FHIT: variants seen among roughly 807,000 people sequenced by gnomAD.
FHIT encodes fragile histidine triad diadenosine triphosphatase, also known as bis(5'-adenosyl)-triphosphatase.
In FHIT, 19 loss-of-function variants were observed where a neutral mutation model predicts 17.9. That is an observed-to-expected ratio of 1.06 (90% CI 0.74 to 1.56). The LOEUF is 1.56. FHIT is among the 40% of genes most tolerant of loss of function. The pLI, the probability that FHIT is intolerant of heterozygous loss-of-function variation, is 0.00. For synonymous variants in FHIT, 81 were observed against 69.7 expected, an observed-to-expected ratio of 1.16 and a Z score of -0.81; for missense variants, 248 against 189.2, an observed-to-expected ratio of 1.31 and a Z score of -1.82.
At chr3:59,955,854 G>T (rs1559496360) in intron 7 of FHIT, among the ~76,000 whole-genome samples, 1 of 152,076 alleles carries the variant, frequency 6.6e-6, no homozygotes, top group Non-Finnish European at 1.5e-5. Context: ...CTGAATGACG[G>T]CAATCACCTC....
In FHIT at chr3:61,122,565, G is replaced by C. The variant is rs1055314036; in HGVS notation, c.-164+78052C>G. 2.6e-5 allele frequency among the ~76,000 whole-genome samples: 4 copies of C among 152,150 alleles called. No individual in the cohort carries two copies. In the East Asian group the frequency reaches 5.8e-4, roughly 22 times the overall value. Reference sequence around the variant, plus strand: ...AAAGAAACTACGATCAGAGTGAACAGGCAACCTACAGAATGGGAGAAAGTT... The same window carrying C: ...AAAGAAACTACGATCAGAGTGAACACGCAACCTACAGAATGGGAGAAAGTT... On this transcript the variant is annotated intron_variant, in intron 2 of 9. Transcript: ENST00000492590.
At chr3:60,037,223 G>C (rs1381948600) in intron 5 of FHIT, among the ~76,000 whole-genome samples, 1 of 151,918 alleles carries the variant, frequency 6.6e-6, no homozygotes, top group African/African-American at 2.4e-5. Context: ...CTTTTTATTT[G>C]TGTAGTCTGA....
At chr3:59,830,761 G>C (rs1701136548) in intron 8 of FHIT, among the ~76,000 whole-genome samples, 1 of 152,206 alleles carries the variant, frequency 6.6e-6, no homozygotes, top group Admixed American at 6.5e-5. Flanking sequence ...TTTTGCAAAG[G>C]TGTAGCACTG....
In FHIT at chr3:60,050,131, T is replaced by C. The variant is rs148127514; in HGVS notation, c.104-35979A>G. Reference sequence around the variant, plus strand: ...AAAATTTTGAATTCACATCTTTTATTTACCAATTAGTAGAAGTAAAAAGAT... The same window carrying C: ...AAAATTTTGAATTCACATCTTTTATCTACCAATTAGTAGAAGTAAAAAGAT... On this transcript the variant is annotated intron_variant, in intron 5 of 9. Coordinates refer to ENST00000492590, the MANE Select transcript of FHIT (RefSeq NM_002012.4). Among the ~76,000 whole-genome samples, 140 of 152,308 alleles carry C rather than the reference T, an allele frequency of 9.2e-4. 4 individuals are homozygous for C. In the East Asian group the frequency reaches 0.026, roughly 28 times the overall value.
intron 5 of FHIT, among the ~76,000 whole-genome samples, chr3:60,432,590 T>C (rs553169225): frequency 6.6e-6 from 1 of 152,228 alleles, no homozygotes; most frequent in East Asian, 1.9e-4. Flanking sequence ...AAGAGACTAC[T>C]AGCATGCAGG....
intron 3 of FHIT, 45 bp downstream of exon 3, chr3:61,042,002 G>A (rs529116783): frequency 4.4e-4 from 67 of 152,258 alleles, no homozygotes; most frequent in African/African-American, 1.6e-3. Flanking sequence ...TTTAGCCAGT[G>A]GCATATGTGC....
chr3:60,260,352 TAA>T (rs761494437), intron 5 of FHIT, among the ~76,000 whole-genome samples: 19 of 138,292 alleles, frequency 1.4e-4, no homozygotes, highest in Admixed American at 1.4e-4. Flanking sequence ...TGACTAAATT[TAA>T]AAAAAAAAAA....
Position 60,014,047 on chromosome 3 carries a change from T to TCCA in FHIT, c.206_208dup (p.Val69dup). ...GAGAGAGGTCCCATGGAAATGTTTT[T>TCCA]CCACCACTGTCCCGACTCTCTGGGT... On this transcript the variant is annotated inframe_insertion, in exon 6 of 10. Coordinates refer to ENST00000492590, the MANE Select transcript of FHIT (RefSeq NM_002012.4). 4 of 1,614,064 alleles carry TCCA rather than the reference T, an allele frequency of 2.5e-6. No homozygotes were observed. Among genetic ancestry groups the TCCA allele is most frequent in the Non-Finnish European group, 3.4e-6 (4 of 1,179,974 alleles).
intron 5 of FHIT, among the ~76,000 whole-genome samples, chr3:60,048,189 T>C (rs1302738279): frequency 1.3e-5 from 2 of 152,156 alleles, no homozygotes; most frequent in African/African-American, 2.4e-5. Flanking sequence ...TTTGTTTTCT[T>C]CTTTTGAGAC....
intron 4 of FHIT, among the ~76,000 whole-genome samples, chr3:60,632,102 G>GTT (rs879949293): frequency 1.3e-5 from 2 of 149,860 alleles, no homozygotes; most frequent in East Asian, 3.9e-4. Flanking sequence ...TTTGTTTTTT[G>GTT]TTTTTTTTTA....
chr3:60,625,552 A>G (rs1373240810), intron 4 of FHIT, among the ~76,000 whole-genome samples: 3 of 152,008 alleles, frequency 2.0e-5, no homozygotes, highest in South Asian at 2.1e-4. Context: ...GGTCATCTGT[A>G]TATCTTCTTT....
chr3:60,685,879 A>C (rs2040851215), intron 4 of FHIT, among the ~76,000 whole-genome samples: 1 of 152,192 alleles, frequency 6.6e-6, no homozygotes, highest in African/African-American at 2.4e-5. Flanking sequence ...ATTAGGAGGA[A>C]AAAATTGATT....
chr3:60,239,440 C>T (rs1705009608), intron 5 of FHIT, among the ~76,000 whole-genome samples: 1 of 152,070 alleles, frequency 6.6e-6, no homozygotes, highest in Non-Finnish European at 1.5e-5. Context: ...TGGCACATAC[C>T]TGTAGTCCCA....
chr3:60,631,206 G>C (rs1008665242), intron 4 of FHIT, among the ~76,000 whole-genome samples: 3 of 152,150 alleles, frequency 2.0e-5, no homozygotes, highest in Non-Finnish European at 4.4e-5. Context: ...AGGTTTCAGA[G>C]CTTTAATTTG....
chr3:60,140,942 T>C lies in FHIT; in HGVS notation c.104-126790A>G, dbSNP rs1158657145. Among the ~76,000 whole-genome samples, 7 of 152,114 alleles carry C rather than the reference T, an allele frequency of 4.6e-5. No individual in the cohort carries two copies. The East Asian group carries it at 1.2e-3, about 25-fold the overall frequency. On this transcript the variant is annotated intron_variant, in intron 5 of 9. Transcript: ENST00000492590. Reference sequence around the variant, plus strand: ...TCTAGGGTGTCAAAGCTGTCATCGGTCAGTAAATTTCTTTTTCTTTTTCTT... The same window carrying C: ...TCTAGGGTGTCAAAGCTGTCATCGGCCAGTAAATTTCTTTTTCTTTTTCTT...
At chr3:60,207,674 T>C (rs1407787724) in intron 5 of FHIT, among the ~76,000 whole-genome samples, 1 of 152,164 alleles carries the variant, frequency 6.6e-6, no homozygotes, top group Admixed American at 6.5e-5. Flanking sequence ...ATTTGCTTTT[T>C]AAAAAGTCAG....
intron 8 of FHIT, among the ~76,000 whole-genome samples, chr3:59,767,035 C>G (rs181123529): frequency 1.3e-5 from 2 of 152,026 alleles, no homozygotes; most frequent in South Asian, 4.2e-4. Context: ...TTCTGGCATC[C>G]CAGATGCAAA....
chr3:60,290,299 T>C lies in FHIT; in HGVS notation c.103+246561A>G, dbSNP rs768836885. Among the ~76,000 whole-genome samples the C allele has an allele frequency of 2.0e-5, 3 of 152,194 alleles. No homozygotes were observed. In the East Asian group the frequency reaches 5.8e-4, roughly 29 times the overall value. ...CCACCTCCTGCTATTCACACCCTTA[T>C]GTAATCTTCTCTCACTTTGAATGTG... is the stretch of plus-strand genomic sequence containing the variant. On this transcript the variant is annotated intron_variant, in intron 5 of 9. Transcript: ENST00000492590.
intron 5 of FHIT, among the ~76,000 whole-genome samples, chr3:60,511,716 C>T (rs894000544): frequency 2.0e-5 from 3 of 152,084 alleles, no homozygotes; most frequent in Non-Finnish European, 4.4e-5. Context: ...ATGCCCAGAT[C>T]TTGGTTTCTA....
Sources: allele counts gnomAD v4.1 joint callset (sites outside exome capture counted in the v4.1 genomes callset), GRCh38; gene constraint gnomAD v4.1.1; transcripts MANE v1.5; gene names NCBI Gene and HGNC (gene_info 2026-07-23, HGNC 2026-07-21).